CDYL: variants seen among roughly 807,000 people sequenced by gnomAD.
The protein encoded by CDYL is chromodomain Y-like protein.
In CDYL, 8 loss-of-function variants were observed where a neutral mutation model predicts 47.3. The observed-to-expected ratio is 0.17, with a 90% CI of 0.10 to 0.31. The LOEUF is 0.31. Ranked by LOEUF, CDYL falls within the 10% of genes least tolerant of loss-of-function variation. The probability of loss-of-function intolerance (pLI) is 1.00; values close to 1 mark genes in which losing one functional copy is unlikely to be tolerated. For synonymous variants in CDYL, 266 were observed against 265.0 expected, an observed-to-expected ratio of 1.00 and a Z score of -0.04; for missense variants, 471 against 701.4, an observed-to-expected ratio of 0.67 and a Z score of 3.71.
rs371253805 is a variant in CDYL at position 4,808,322 on chromosome 6, C to T, written c.24+31515C>T. On this transcript the variant is annotated intron_variant, in intron 1 of 6. Coordinates refer to ENST00000397588, the MANE Select transcript of CDYL (RefSeq NM_004824.4). ...TGCATATGCAGTTAAAAATGAGTTC[C>T]TATTGATGAATTCCATTTCCAGTTT... is the stretch of plus-strand genomic sequence containing the variant. Among the ~76,000 whole-genome samples the T allele has an allele frequency of 2.1e-3, 325 of 152,302 alleles. 3 individuals are homozygous for T. The highest frequency in any genetic ancestry group is 3.8e-3 in the Admixed American group (58 of 15,302).
chr6:4,947,734 G>A (rs918649284), intron 5 of CDYL, among the ~76,000 whole-genome samples: 1 of 152,196 alleles, frequency 6.6e-6, no homozygotes, highest in Admixed American at 6.5e-5. Context: ...GGGTCTGGTA[G>A]ATTAGGTGCC....
chr6:4,792,582 C>T (rs2127435372), intron 1 of CDYL, among the ~76,000 whole-genome samples: 1 of 152,042 alleles, frequency 6.6e-6, no homozygotes, highest in Admixed American at 6.5e-5. Flanking sequence ...ACTACAGGCA[C>T]ACACTACCAT....
At chr6:4,790,165 A>C (rs926163838) in intron 1 of CDYL, among the ~76,000 whole-genome samples, 1 of 152,132 alleles carries the variant, frequency 6.6e-6, no homozygotes, top group Non-Finnish European at 1.5e-5. Context: ...GAAGCTATTT[A>C]CTCTTTCAGT....
intron 3 of CDYL, among the ~76,000 whole-genome samples, chr6:4,751,665 A>T (rs185944317): frequency 6.6e-6 from 1 of 152,344 alleles, no homozygotes. Flanking sequence ...ATGGACGAAG[A>T]CTCAAATTCA....
chr6:4,813,895 T>C (rs1355875430), intron 1 of CDYL, among the ~76,000 whole-genome samples: 1 of 151,118 alleles, frequency 6.6e-6, no homozygotes, highest in Non-Finnish European at 1.5e-5. Context: ...CACCTCAGCC[T>C]CCCGGCTGGA....
At chr6:4,737,993 C>T (rs1233183571) in intron 3 of CDYL, among the ~76,000 whole-genome samples, 1 of 152,018 alleles carries the variant, frequency 6.6e-6, no homozygotes, top group Non-Finnish European at 1.5e-5. Flanking sequence ...CATTAATATA[C>T]AAAACATGCT....
intron 1 of CDYL, among the ~76,000 whole-genome samples, chr6:4,873,082 A>C (rs1242251278): frequency 6.6e-6 from 1 of 152,234 alleles, no homozygotes; most frequent in African/African-American, 2.4e-5. Context: ...TGTTTATACA[A>C]TACACATATA....
chr6:4,859,898 T>G (rs1761113920), intron 1 of CDYL, among the ~76,000 whole-genome samples: 1 of 147,592 alleles, frequency 6.8e-6, no homozygotes, highest in African/African-American at 2.6e-5. Flanking sequence ...TTTTTTTGTC[T>G]TTTTTTTTCT....
intron 2 of CDYL, among the ~76,000 whole-genome samples, chr6:4,717,108 G>T (rs947620624): frequency 3.9e-5 from 6 of 152,098 alleles, no homozygotes; most frequent in African/African-American, 1.4e-4. Flanking sequence ...GGGTGGGTAG[G>T]ATATAAGGGG....
chr6:4,835,801 C>A (rs1276392527), intron 1 of CDYL, among the ~76,000 whole-genome samples: 1 of 152,194 alleles, frequency 6.6e-6, no homozygotes, highest in Non-Finnish European at 1.5e-5. Flanking sequence ...CCTCTCCCAG[C>A]CTCGTTGCCG....
At chr6:4,794,688 G>A (rs1158309838) in intron 1 of CDYL, among the ~76,000 whole-genome samples, 2 of 152,222 alleles carry the variant, frequency 1.3e-5, no homozygotes, top group Admixed American at 6.5e-5. Context: ...TCCCTTACTC[G>A]TATCTCGTCT....
intron 2 of CDYL, among the ~76,000 whole-genome samples, chr6:4,928,006 C>T (rs1008729543): frequency 2.0e-5 from 3 of 152,124 alleles, no homozygotes; most frequent in Admixed American, 6.5e-5. Flanking sequence ...GATTCTAGCT[C>T]ATCATTTTCC....
At chr6:4,905,310 A>T (rs1464109889) in intron 2 of CDYL, among the ~76,000 whole-genome samples, 1 of 152,130 alleles carries the variant, frequency 6.6e-6, no homozygotes, top group Non-Finnish European at 1.5e-5. Flanking sequence ...GGTCTTTGAC[A>T]CTCCGTCAAC....
At chr6:4,802,545 AC>A (rs1404362428) in intron 1 of CDYL, among the ~76,000 whole-genome samples, 4 of 152,082 alleles carry the variant, frequency 2.6e-5, no homozygotes, top group Admixed American at 1.3e-4. Context: ...CCTCAAAAAA[AC>A]AAAAAACAGT....
rs1180431012 is a variant in CDYL at position 4,852,596 on chromosome 6, TTCCTTCC to T, written c.25-39108_25-39102del. ...CCTTCCTTCCAATCTTCCTTCCTCC[TTCCTTCC>T]TCCTTCCTTCCTTCCTTCCTGTTTA... On this transcript the variant is annotated intron_variant, in intron 1 of 6. Transcript: ENST00000397588. Among the ~76,000 whole-genome samples, 369 of 136,618 alleles carry T rather than the reference TTCCTTCC, an allele frequency of 2.7e-3. 28 individuals are homozygous for T. Among genetic ancestry groups the T allele is most frequent in the African/African-American group, 0.012 (354 of 28,362 alleles). 89.6% of individuals were successfully genotyped at this position (136,618 alleles called of 152,430 possible). A position where few individuals can be genotyped will look rare whatever the true frequency, so the allele number is the denominator to read the frequency against.
At chr6:4,941,098 T>C (rs1463709682) in intron 4 of CDYL, among the ~76,000 whole-genome samples, 7 of 152,280 alleles carry the variant, frequency 4.6e-5, no homozygotes, top group Admixed American at 2.6e-4. Context: ...GTGGCAAATA[T>C]CAGCCTCCTT....
chr6:4,815,972 G>GGT (rs1759663602), intron 1 of CDYL, among the ~76,000 whole-genome samples: 1 of 140,444 alleles, frequency 7.1e-6, no homozygotes, highest in Admixed American at 7.1e-5. Context: ...ATTTTTATAG[G>GGT]TTTTTTTTTT....
At chr6:4,819,646 T>G (rs2127447900) in intron 1 of CDYL, among the ~76,000 whole-genome samples, 1 of 152,314 alleles carries the variant, frequency 6.6e-6, no homozygotes, top group South Asian at 2.1e-4. Context: ...GATCTCTGCT[T>G]ATTTCTTCTC....
intron 3 of CDYL, among the ~76,000 whole-genome samples, chr6:4,755,731 A>G (rs902451890): frequency 1.3e-5 from 2 of 152,194 alleles, no homozygotes; most frequent in Non-Finnish European, 2.9e-5. Context: ...GAACCATCTT[A>G]TAGGTGAGTT....
Sources: allele counts gnomAD v4.1 joint callset (sites outside exome capture counted in the v4.1 genomes callset), GRCh38; gene constraint gnomAD v4.1.1; transcripts MANE v1.5; gene names NCBI Gene and HGNC (gene_info 2026-07-23, HGNC 2026-07-21).